ERBIN: variants seen among roughly 807,000 people sequenced by gnomAD.
ERBIN encodes densin-180-like protein.
In ERBIN, 60 loss-of-function variants were observed where a neutral mutation model predicts 158.4. That is an observed-to-expected ratio of 0.38 (90% CI 0.31 to 0.47). ERBIN has a LOEUF of 0.47. ERBIN is among the 20% of genes least tolerant of loss of function. The probability of loss-of-function intolerance (pLI) is 0.99; values close to 1 mark genes in which losing one functional copy is unlikely to be tolerated. For missense variants in ERBIN, 1,610 were observed against 1,648.0 expected, an observed-to-expected ratio of 0.98 and a Z score of 0.40; for synonymous variants, 594 against 557.2, an observed-to-expected ratio of 1.07 and a Z score of -0.93.
chr5:65,970,488 A>G (rs1749129352), intron 1 of ERBIN, among the ~76,000 whole-genome samples: 1 of 152,200 alleles, frequency 6.6e-6, no homozygotes, highest in South Asian at 2.1e-4. Context: ...TTCTGTATGT[A>G]GAGAGATTCT....
chr5:66,054,922 C>T lies in ERBIN; in HGVS notation c.3604C>T (p.Arg1202Ter). ...VPRDWREQVL[R>*]HIEAKKLEKK... ...TCGTGACTGGAGAGAACAAGTACTTCGACATATTGAAGCCAAAAAGTTAGA... is the reference window on the plus strand; with the variant it reads ...TCGTGACTGGAGAGAACAAGTACTTTGACATATTGAAGCCAAAAAGTTAGA... Residue 1202 changes from arginine (R) to a stop codon, truncating the protein, a stop_gained, in exon 21 of 26, where the codon CGA (arginine) becomes TGA (stop). Coordinates refer to ENST00000284037, the MANE Select transcript of ERBIN (RefSeq NM_001253697.2). LOFTEE classifies it high-confidence loss of function. The T allele has an allele frequency of 1.3e-6, 2 of 1,586,744 alleles. No homozygotes were observed. Among genetic ancestry groups the T allele is most frequent in the African/African-American group, 1.4e-5 (1 of 73,664 alleles).
chr5:66,008,239 A>AC, intron 4 of ERBIN, among the ~76,000 whole-genome samples: 1 of 152,112 alleles, frequency 6.6e-6, no homozygotes, highest in Admixed American at 6.6e-5. Context: ...ACATGGTGAA[A>AC]CCCCATATAT....
intron 1 of ERBIN, among the ~76,000 whole-genome samples, chr5:65,949,260 A>C (rs770657392): frequency 3.9e-5 from 6 of 152,186 alleles, no homozygotes; most frequent in Non-Finnish European, 8.8e-5. Flanking sequence ...AGTGCTTTGA[A>C]GACCCCTGAA....
At position 66,014,563 on chromosome 5, in the gene ERBIN, G is replaced by A. The variant is rs550682512; in HGVS notation, c.477-106G>A. 2.4e-4 allele frequency: 129 copies of A among 542,608 alleles called. No individual in the cohort carries two copies. The African/African-American group carries it at 2.4e-3, about 10-fold the overall frequency. 33.6% of individuals were successfully genotyped at this position (542,608 alleles called of 1,614,324 possible). Reference sequence around the variant, plus strand: ...TTTTTAATATATTACTTTGCAATTAGTAATTACACAATTACATTGCTTCCT... The same window carrying A: ...TTTTTAATATATTACTTTGCAATTAATAATTACACAATTACATTGCTTCCT... On this transcript the variant is annotated intron_variant, in intron 6 of 25. Coordinates refer to ENST00000284037, the MANE Select transcript of ERBIN (RefSeq NM_001253697.2).
intron 22 of ERBIN, among the ~76,000 whole-genome samples, chr5:66,073,616 A>G (rs187057529): frequency 2.6e-3 from 393 of 152,200 alleles, no homozygotes; most frequent in Non-Finnish European, 4.0e-3. Flanking sequence ...AAGCTAAACT[A>G]CTTTATATCT....
intron 23 of ERBIN, among the ~76,000 whole-genome samples, chr5:66,075,817 T>A (rs1196926819): frequency 6.6e-6 from 1 of 152,152 alleles, no homozygotes; most frequent in Non-Finnish European, 1.5e-5. Context: ...TCTCAATTGG[T>A]CATGTTTTAA....
At position 66,066,829 on chromosome 5, in the gene ERBIN, GCA is replaced by G. The variant is rs1325829679; in HGVS notation, c.3634-5338_3634-5337del. Among the ~76,000 whole-genome samples, 3 of 152,164 alleles carry G rather than the reference GCA, an allele frequency of 2.0e-5. No individual in the cohort carries two copies. The East Asian group carries it at 5.8e-4, about 29-fold the overall frequency. ...GACATTATGCCTAGCATTTAATTGA[GCA>G]CTCTACAATGTGTTGTGACAGGAAG... On this transcript the variant is annotated intron_variant, in intron 21 of 25. Coordinates refer to ENST00000284037, the MANE Select transcript of ERBIN (RefSeq NM_001253697.2).
At chr5:66,018,569 ATATT>A in intron 7 of ERBIN, among the ~76,000 whole-genome samples, 1 of 45,258 alleles carries the variant, frequency 2.2e-5, no homozygotes, top group African/African-American at 1.6e-4. Flanking sequence ...AATATATATT[ATATT>A]ATATAATATA....
chr5:65,942,971 A>T (rs1745252168), intron 1 of ERBIN, among the ~76,000 whole-genome samples: 1 of 152,140 alleles, frequency 6.6e-6, no homozygotes, highest in East Asian at 1.9e-4. Context: ...AGAAAAATTG[A>T]TTAAGAAGTG....
rs549151290 is a variant in ERBIN, at chr5:66,008,819, T to G, written c.308-3230T>G. ...TTGCTCCACCCAAACATGGAATGTTTTACTTCTTAAAAAGTATTAAGAATT... is the reference window on the plus strand; with the variant it reads ...TTGCTCCACCCAAACATGGAATGTTGTACTTCTTAAAAAGTATTAAGAATT... On this transcript the variant is annotated intron_variant, in intron 4 of 25. Coordinates refer to ENST00000284037, the MANE Select transcript of ERBIN (RefSeq NM_001253697.2). Among the ~76,000 whole-genome samples the G allele has an allele frequency of 3.3e-5, 5 of 152,332 alleles. No homozygotes were observed. In the South Asian group the frequency reaches 1.0e-3, roughly 32 times the overall value.
chr5:66,050,759 A>T, intron 19 of ERBIN, 24 bp from the exon 20 acceptor site: 1 of 1,435,164 alleles, frequency 7.0e-7, no homozygotes, highest in Non-Finnish European at 9.4e-7. Context: ...ATTTATCATT[A>T]ATCTTAAATT....
At chr5:65,948,521 T>C (rs1052877563) in intron 1 of ERBIN, among the ~76,000 whole-genome samples, 3 of 151,994 alleles carry the variant, frequency 2.0e-5, no homozygotes, top group African/African-American at 7.2e-5. Flanking sequence ...GGGTAAAATA[T>C]ACAAAACGCT....
At chr5:65,966,470 C>T (rs1413260907) in intron 1 of ERBIN, among the ~76,000 whole-genome samples, 2 of 151,986 alleles carry the variant, frequency 1.3e-5, no homozygotes, top group East Asian at 1.9e-4. Flanking sequence ...CACCTGTGGT[C>T]GGAAGATTGA....
At chr5:65,949,542 C>A (rs1746248303) in intron 1 of ERBIN, among the ~76,000 whole-genome samples, 1 of 152,202 alleles carries the variant, frequency 6.6e-6, no homozygotes, top group Non-Finnish European at 1.5e-5. Context: ...AATGTTCAGC[C>A]ATTCCTTTTT....
intron 1 of ERBIN, among the ~76,000 whole-genome samples, chr5:65,966,680 CAAAAAAAAAA>C (rs70987105): frequency 5.4e-4 from 27 of 50,112 alleles, no homozygotes; most frequent in Non-Finnish European, 8.0e-4. Flanking sequence ...AACTCTGTCT[CAAAAAAAAAA>C]AAAAAAAAAA....
intron 4 of ERBIN, among the ~76,000 whole-genome samples, chr5:65,997,505 G>C (rs868397744): frequency 1.3e-5 from 2 of 152,170 alleles, no homozygotes; most frequent in African/African-American, 2.4e-5. Flanking sequence ...CCTTACCTCA[G>C]AAGGAGAGAG....
At chr5:66,063,585 C>T (rs1027164273) in intron 21 of ERBIN, among the ~76,000 whole-genome samples, 118 of 152,240 alleles carry the variant, frequency 7.8e-4, no homozygotes, top group African/African-American at 2.5e-3. Context: ...GAGATGAACC[C>T]GGTACCTCAG....
intron 21 of ERBIN, among the ~76,000 whole-genome samples, chr5:66,063,879 C>G (rs1420605362): frequency 1.3e-5 from 2 of 152,102 alleles, no homozygotes; most frequent in Non-Finnish European, 2.9e-5. Context: ...CACTTATATA[C>G]GTACACACAT....
chr5:65,982,026 A>G (rs539004956), intron 1 of ERBIN, among the ~76,000 whole-genome samples: 2 of 152,318 alleles, frequency 1.3e-5, no homozygotes, highest in South Asian at 4.1e-4. Context: ...GAAATAGTGA[A>G]ATCTGAGATT....
Sources: gnomAD v4.1 joint callset for allele counts (sites outside exome capture counted in the v4.1 genomes callset) on GRCh38, gnomAD v4.1.1 for gene constraint, MANE v1.5 for transcripts, NCBI Gene and HGNC (gene_info 2026-07-23, HGNC 2026-07-21) for gene names.